ZFPM2: variants seen among roughly 807,000 people sequenced by gnomAD.
ZFPM2 encodes the protein zinc finger protein ZFPM2.
ZFPM2 carries 20 observed loss-of-function variants against 98.6 expected under a neutral mutation model. The observed-to-expected ratio is 0.20, with a 90% CI of 0.14 to 0.29. The LOEUF (loss-of-function observed/expected upper bound fraction) is 0.29. ZFPM2 is among the 10% of genes least tolerant of loss of function. The probability of loss-of-function intolerance (pLI) is 1.00; values close to 1 mark genes in which losing one functional copy is unlikely to be tolerated. For missense variants in ZFPM2, 1,310 were observed against 1,388.6 expected, an observed-to-expected ratio of 0.94 and a Z score of 0.90; for synonymous variants, 518 against 502.7, an observed-to-expected ratio of 1.03 and a Z score of -0.41.
intron 3 of ZFPM2, among the ~76,000 whole-genome samples, chr8:105,477,600 T>C (rs1306938059): frequency 6.6e-6 from 1 of 152,120 alleles, no homozygotes; most frequent in East Asian, 1.9e-4. Flanking sequence ...TTTACCAAAT[T>C]AAATATTAAT....
chr8:105,797,740 A>G (rs1813876020), intron 6 of ZFPM2, among the ~76,000 whole-genome samples: 1 of 151,920 alleles, frequency 6.6e-6, no homozygotes, highest in African/African-American at 2.4e-5. Context: ...GCTTAATTTC[A>G]TCCTTCATAC....
chr8:105,572,951 G>A (rs896981205), intron 4 of ZFPM2, among the ~76,000 whole-genome samples: 1 of 152,186 alleles, frequency 6.6e-6, no homozygotes, highest in African/African-American at 2.4e-5. Flanking sequence ...TATGTAGGTT[G>A]GTCTGTGGTT....
rs557171589 is a variant in ZFPM2, at chr8:105,682,709, G to A, written c.532+48352G>A. ...AGTCATATGCTATATCTACTTGCAA[G>A]GGAAGCTGGGGAATGTAATCCAGCT... On this transcript the variant is annotated intron_variant, in intron 5 of 7. Transcript: ENST00000407775. Among the ~76,000 whole-genome samples, 322 of 152,194 alleles carry A rather than the reference G, an allele frequency of 2.1e-3. 1 individual carries two copies. The highest frequency in any genetic ancestry group is 3.4e-3 in the Non-Finnish European group (232 of 67,974).
rs191011780 is a variant in ZFPM2, at chr8:105,801,352, C to G, written c.1270C>G (p.Gln424Glu). ...LLTRSELPQS[Q>E]KAMQTKDASS... ...GACCAGAAGCGAACTTCCCCAGAGC[C>G]AAAAGGCCATGCAGACTAAAGATGC... Residue 424 changes from glutamine to glutamate, a missense_variant, in exon 8 of 8, where the codon CAA becomes GAA. Coordinates refer to ENST00000407775, the MANE Select transcript of ZFPM2 (RefSeq NM_012082.4). 8 of 1,613,892 alleles carry G rather than the reference C, an allele frequency of 5.0e-6. No homozygotes were observed.
intron 1 of ZFPM2, among the ~76,000 whole-genome samples, chr8:105,415,521 TTATGTG>T (rs1237152932): frequency 1.3e-5 from 2 of 151,956 alleles, no homozygotes; most frequent in African/African-American, 4.8e-5. Flanking sequence ...TTGTGTCAAA[TTATGTG>T]TGGTGATTTT....
intron 1 of ZFPM2, among the ~76,000 whole-genome samples, chr8:105,377,940 C>T (rs1810764270): frequency 6.6e-6 from 1 of 152,102 alleles, no homozygotes; most frequent in Admixed American, 6.6e-5. Context: ...GTTTCCCTTT[C>T]TTTGGATGAG....
At chr8:105,338,769 A>G (rs532785522) in intron 1 of ZFPM2, among the ~76,000 whole-genome samples, 1 of 151,998 alleles carries the variant, frequency 6.6e-6, no homozygotes, top group South Asian at 2.1e-4. Flanking sequence ...ATGAATTTGC[A>G]TGTGTCTTAC....
At chr8:105,449,632 T>G (rs1256652052) in intron 3 of ZFPM2, among the ~76,000 whole-genome samples, 1 of 152,122 alleles carries the variant, frequency 6.6e-6, no homozygotes, top group South Asian at 2.1e-4. Flanking sequence ...ATGTCATGAA[T>G]GGAGAAGGCC....
chr8:105,494,409 C>A (rs1029532899), intron 3 of ZFPM2, among the ~76,000 whole-genome samples: 1 of 151,526 alleles, frequency 6.6e-6, no homozygotes, highest in Admixed American at 6.6e-5. Context: ...CGTTGTCTCT[C>A]TCCTCTCTTG....
chr8:105,606,040 A>G (rs1383199184), intron 4 of ZFPM2, among the ~76,000 whole-genome samples: 2 of 152,088 alleles, frequency 1.3e-5, no homozygotes, highest in Non-Finnish European at 2.9e-5. Flanking sequence ...TTTTCTAAGT[A>G]TTATTTCATT....
intron 3 of ZFPM2, among the ~76,000 whole-genome samples, chr8:105,513,146 A>G (rs1303785198): frequency 6.6e-6 from 1 of 152,192 alleles, no homozygotes; most frequent in African/African-American, 2.4e-5. Flanking sequence ...AATAGCAGAT[A>G]AATAAGGAAG....
chr8:105,449,871 C>T (rs1185727784), intron 3 of ZFPM2, among the ~76,000 whole-genome samples: 1 of 151,912 alleles, frequency 6.6e-6, no homozygotes, highest in Non-Finnish European at 1.5e-5. Flanking sequence ...GCAATTGTAC[C>T]TGTGTGGCCA....
At chr8:105,586,919 C>A (rs1260849568) in intron 4 of ZFPM2, among the ~76,000 whole-genome samples, 1 of 150,356 alleles carries the variant, frequency 6.7e-6, no homozygotes, top group Non-Finnish European at 1.5e-5. Context: ...ATGAAGTTTG[C>A]CATCTAATTA....
intron 4 of ZFPM2, among the ~76,000 whole-genome samples, chr8:105,593,224 G>A (rs1815888365): frequency 6.6e-6 from 1 of 152,024 alleles, no homozygotes; most frequent in South Asian, 2.1e-4. Flanking sequence ...TGAGGTTCAG[G>A]GAGCCCAGGA....
intron 3 of ZFPM2, among the ~76,000 whole-genome samples, chr8:105,539,778 G>A (rs1274588068): frequency 6.6e-6 from 1 of 152,166 alleles, no homozygotes; most frequent in Non-Finnish European, 1.5e-5. Context: ...GATCATGGAA[G>A]ACTTCTGTCG....
intron 4 of ZFPM2, among the ~76,000 whole-genome samples, chr8:105,580,278 T>C (rs1815560964): frequency 6.6e-6 from 1 of 152,198 alleles, no homozygotes; most frequent in Non-Finnish European, 1.5e-5. Context: ...GAAGGCAGAA[T>C]TGGAAGCTCT....
chr8:105,713,500 G>A (rs1811451540), intron 5 of ZFPM2, among the ~76,000 whole-genome samples: 1 of 151,932 alleles, frequency 6.6e-6, no homozygotes, highest in Admixed American at 6.6e-5. Flanking sequence ...TTCTTTTGTT[G>A]TGCAGAAGCT....
chr8:105,437,030 TTTTG>T (rs1182349826), intron 2 of ZFPM2, among the ~76,000 whole-genome samples: 7 of 152,336 alleles, frequency 4.6e-5, no homozygotes, highest in African/African-American at 1.7e-4. Context: ...TATGAGATTA[TTTTG>T]TTTTAGTCAT....
chr8:105,776,720 T>C (rs1273886577), intron 5 of ZFPM2, among the ~76,000 whole-genome samples: 1 of 152,202 alleles, frequency 6.6e-6, no homozygotes, highest in Non-Finnish European at 1.5e-5. Flanking sequence ...TTTTTGTTTG[T>C]AGCTACTGAC....
Sources: gnomAD v4.1 joint callset for allele counts (sites outside exome capture counted in the v4.1 genomes callset) on GRCh38, gnomAD v4.1.1 for gene constraint, MANE v1.5 for transcripts, NCBI Gene and HGNC (gene_info 2026-07-23, HGNC 2026-07-21) for gene names.